The following ADGRG1 variants were observed in gnomAD, a reference collection of about 807,000 sequenced individuals.
The protein encoded by ADGRG1 is adhesion G protein-coupled receptor G1.
A neutral mutation model predicts 73.5 loss-of-function variants in ADGRG1; 53 were observed. The ratio of observed to expected loss-of-function variants is 0.72; its 90% confidence interval spans 0.58 to 0.91. The LOEUF (loss-of-function observed/expected upper bound fraction) is 0.91. Among genes scored for constraint, ADGRG1 ranks in the 40% least tolerant of loss-of-function variants. The pLI, the probability that ADGRG1 is intolerant of heterozygous loss-of-function variation, is 0.00. For synonymous variants in ADGRG1, 394 were observed against 374.4 expected, an observed-to-expected ratio of 1.05 and a Z score of -0.60; for missense variants, 795 against 871.8, an observed-to-expected ratio of 0.91 and a Z score of 1.11.
At chr16:57,651,834 TC>T in intron 3 of ADGRG1, 2 of 1,451,944 alleles carry the variant, frequency 1.4e-6, no homozygotes, top group Non-Finnish European at 1.8e-6. Flanking sequence ...GGCCCCACTG[TC>T]CCTTGATGGT....
chr16:57,635,852 TC>T, intron 1 of ADGRG1: 1 of 985,240 alleles, frequency 1.0e-6, no homozygotes, highest in African/African-American at 1.7e-5. Context: ...TGTCCCTGTG[TC>T]CCTGCTATAA....
chr16:57,656,387 A>C, intron 8 of ADGRG1, 116 bp downstream of exon 8: 1 of 1,610,346 alleles, frequency 6.2e-7, no homozygotes, highest in East Asian at 2.2e-5. Context: ...AGGACTTTGA[A>C]GAGAGAGCGA....
At chr16:57,627,088 C>A, upstream of ADGRG1, 1 of 984,538 alleles carries the variant, frequency 1.0e-6, no homozygotes, top group Non-Finnish European at 1.2e-6. Context: ...TTTCTGGAAG[C>A]TCTCACCTTA....
intron 1 of ADGRG1, among the ~76,000 whole-genome samples, chr16:57,633,714 G>A (rs575514825): frequency 6.8e-4 from 104 of 152,354 alleles, no homozygotes; most frequent in African/African-American, 2.4e-3. Flanking sequence ...GCTGAGTGCA[G>A]GGCTGGGCAC....
At chr16:57,626,478 T>TG, upstream of ADGRG1, 2 of 446,646 alleles carry the variant, frequency 4.5e-6, no homozygotes, top group Non-Finnish European at 5.9e-6. Context: ...GACTCAGAGC[T>TG]GGGGGCCTGC....
chr16:57,646,320 G>A, intron 1 of ADGRG1: 1 of 934,192 alleles, frequency 1.1e-6, no homozygotes, highest in Non-Finnish European at 1.3e-6. Context: ...GCTGAGCCAG[G>A]TCTGGAGCTG....
At chr16:57,634,145 A>G (rs760564589) in intron 1 of ADGRG1, 2 of 985,328 alleles carry the variant, frequency 2.0e-6, no homozygotes, top group Non-Finnish European at 2.4e-6. Flanking sequence ...CTGCTGGGTG[A>G]GTTCACCCTA....
In ADGRG1 at chr16:57,661,776, A is replaced by G. The variant is rs775708467; in HGVS notation, c.1744A>G (p.Met582Val). The change falls in exon 13 of 14, where the codon ATG (methionine) becomes GTG (valine). Residue 582 changes from methionine to valine, a missense_variant. Coordinates refer to ENST00000562631, the MANE Select transcript of ADGRG1 (RefSeq NM_201525.4). ...FSLVFLFNMAMLATMVVQILR... is the reference protein window; with the variant it reads ...FSLVFLFNMAVLATMVVQILR... ...CCTGGTGTTTCTGTTCAACATGGCC[A>G]TGCTAGCCACCATGGTGGTGCAGAT... The G allele has an allele frequency of 1.9e-6, 3 of 1,614,230 alleles. No homozygotes were observed. The highest frequency in any genetic ancestry group is 1.1e-5 in the South Asian group (1 of 91,088).
At chr16:57,622,483 A>G (rs1011719467) in intron 2 of ADGRG1, among the ~76,000 whole-genome samples, 1 of 152,192 alleles carries the variant, frequency 6.6e-6, no homozygotes, top group African/African-American at 2.4e-5. Flanking sequence ...CCTGAGGTGC[A>G]GAGGACACCG....
At chr16:57,626,741 C>T (rs1395961998), upstream of ADGRG1, 2 of 985,276 alleles carry the variant, frequency 2.0e-6, no homozygotes, top group Non-Finnish European at 2.4e-6. Flanking sequence ...GGTGGGGGGA[C>T]AGCTGCCCTG....
chr16:57,656,652 C>T (rs775045604), intron 9 of ADGRG1, 35 bp downstream of exon 9: 8 of 1,255,830 alleles, frequency 6.4e-6, no homozygotes, highest in South Asian at 4.8e-5. Context: ...CAGCCACACC[C>T]CAGGCCGTGT....
At chr16:57,644,015 G>T in intron 1 of ADGRG1, 1 of 985,294 alleles carries the variant, frequency 1.0e-6, no homozygotes, top group Non-Finnish European at 1.2e-6. Context: ...TATTAAAAAA[G>T]TTTGGAAACC....
At position 57,659,399 on chromosome 16, in the gene ADGRG1, C is replaced by G; in HGVS notation, c.1287-14C>G. The stretch of plus-strand genomic sequence containing the variant: ...CTTCCCACACTGGCCCACCAGGGTG[C>G]CCCTGCCGTGCAGGAGGAAACCTCG... On this transcript the variant is annotated splice_polypyrimidine_tract_variant and intron_variant, in intron 10 of 13. Coordinates refer to ENST00000562631, the MANE Select transcript of ADGRG1 (RefSeq NM_201525.4). 1 of 1,613,218 alleles carries G rather than the reference C, an allele frequency of 6.2e-7. No homozygotes were observed. The highest frequency in any genetic ancestry group is 1.3e-5 in the African/African-American group (1 of 75,046).
intron 1 of ADGRG1, chr16:57,647,669 T>G (rs2043023693): frequency 2.1e-6 from 1 of 479,286 alleles, no homozygotes; most frequent in Non-Finnish European, 2.7e-6. Flanking sequence ...GTCTACCCCA[T>G]GGGTTAAAGG....
chr16:57,651,591 C>T lies in ADGRG1; in HGVS notation c.456C>T (p.Pro152=), dbSNP rs2044108041. The change falls in exon 3 of 14, where the codon CCC becomes CCT. Residue 152 remains proline (P), a synonymous_variant. Transcript: ENST00000562631. ...GGAGCCCTCAGAACATCAGCCTGCC[C>T]AGTGCCGCCAGCTTCACCTTCTCCT... ...SWWSPQNISL[P]SAASFTFSFH... 1 of 1,613,994 alleles carries T rather than the reference C, an allele frequency of 6.2e-7. No individual in the cohort carries two copies. Among genetic ancestry groups the T allele is most frequent in the South Asian group, 1.1e-5 (1 of 91,090 alleles).
At chr16:57,644,261 T>C (rs2041646754) in intron 1 of ADGRG1, 1 of 885,150 alleles carries the variant, frequency 1.1e-6, no homozygotes, top group South Asian at 5.2e-5. Flanking sequence ...TGCACAGTCA[T>C]GCACGGGCAC....
intron 1 of ADGRG1, among the ~76,000 whole-genome samples, chr16:57,644,784 ACT>A (rs1322109889): frequency 9.0e-5 from 13 of 143,882 alleles, no homozygotes; most frequent in Admixed American, 2.1e-4. Context: ...ACATATGCAC[ACT>A]CATGCATGGG....
At chr16:57,662,277 A>G (rs2047322765) in intron 13 of ADGRG1, among the ~76,000 whole-genome samples, 1 of 152,162 alleles carries the variant, frequency 6.6e-6, no homozygotes, top group South Asian at 2.1e-4. Flanking sequence ...GGTCCCAGAT[A>G]GTAGGGACAT....
At chr16:57,648,616 T>C in intron 1 of ADGRG1, 1 of 984,838 alleles carries the variant, frequency 1.0e-6, no homozygotes, top group Non-Finnish European at 1.2e-6. Context: ...CTCTCAATGA[T>C]TTGGTTCAAA....
Sources: gnomAD v4.1 joint callset for allele counts (sites outside exome capture counted in the v4.1 genomes callset) on GRCh38, gnomAD v4.1.1 for gene constraint, MANE v1.5 for transcripts, NCBI Gene and HGNC (gene_info 2026-07-23, HGNC 2026-07-21) for gene names.